Variants in ULK4 observed in about 807,000 individuals in gnomAD.
ULK4 encodes inactive serine/threonine-protein kinase ULK4.
A neutral mutation model predicts 160.6 loss-of-function variants in ULK4; 133 were observed. That is an observed-to-expected ratio of 0.83 (90% CI 0.72 to 0.96). The LOEUF is 0.96. ULK4 is among the 40% of genes least tolerant of loss of function. The probability of loss-of-function intolerance (pLI) is 0.00; values close to 1 mark genes in which losing one functional copy is unlikely to be tolerated. For synonymous variants in ULK4, 534 were observed against 539.8 expected, an observed-to-expected ratio of 0.99 and a Z score of 0.15; for missense variants, 1,580 against 1,499.5, an observed-to-expected ratio of 1.05 and a Z score of -0.89.
chr3:41,774,546 T>G (rs1468831592), intron 21 of ULK4, among the ~76,000 whole-genome samples: 3 of 146,766 alleles, frequency 2.0e-5, no homozygotes, highest in Middle Eastern at 3.2e-3. Context: ...CCAGTTAGAA[T>G]GGCGATCATT....
chr3:41,535,513 GAATTT>G lies in ULK4; in HGVS notation c.3226+30507_3226+30511del, dbSNP rs2125945661. Among the ~76,000 whole-genome samples, 2 of 152,234 alleles carry G rather than the reference GAATTT, an allele frequency of 1.3e-5. 1 individual carries two copies. Among genetic ancestry groups the G allele is most frequent in the South Asian group, 4.1e-4 (2 of 4,824 alleles). On this transcript the variant is annotated intron_variant, in intron 32 of 36. Coordinates refer to ENST00000301831, the MANE Select transcript of ULK4 (RefSeq NM_017886.4). Reference sequence around the variant, plus strand: ...AATAGTACTGTATGTTTGAAATAGGGAATTTAATACTGTATGAAATGCAATAAATA... The same window carrying G: ...AATAGTACTGTATGTTTGAAATAGGGAATACTGTATGAAATGCAATAAATA...
At chr3:41,869,397 A>G (rs1348429904) in intron 17 of ULK4, among the ~76,000 whole-genome samples, 1 of 152,150 alleles carries the variant, frequency 6.6e-6, no homozygotes, top group East Asian at 1.9e-4. Context: ...CAACATGATG[A>G]AACCCCATCT....
intron 34 of ULK4, among the ~76,000 whole-genome samples, chr3:41,435,984 A>G (rs2083027013): frequency 7.0e-6 from 1 of 142,800 alleles, no homozygotes. Flanking sequence ...AAATAAATAA[A>G]GCATACAGAC....
Position 41,549,089 on chromosome 3 carries a change from T to C in ULK4, c.3226+16936A>G, listed in dbSNP as rs371863463. On this transcript the variant is annotated intron_variant, in intron 32 of 36. Coordinates refer to ENST00000301831, the MANE Select transcript of ULK4 (RefSeq NM_017886.4). ...AATCTGAAAAATAGGAAGAAGTGCC[T>C]GTTACACAAGATGCATCGATATCAA... is the stretch of plus-strand genomic sequence containing the variant. Among the ~76,000 whole-genome samples, 22 of 152,268 alleles carry C rather than the reference T, an allele frequency of 1.4e-4. No individual in the cohort carries two copies. In the Middle Eastern group the frequency reaches 0.017, roughly 118 times the overall value.
chr3:41,604,447 A>C (rs978060109), intron 31 of ULK4, among the ~76,000 whole-genome samples: 10 of 152,176 alleles, frequency 6.6e-5, no homozygotes, highest in African/African-American at 2.4e-4. Context: ...GAATGTAGGA[A>C]GCTTATGTGA....
At chr3:41,956,574 A>T (rs1700492988) in intron 1 of ULK4, among the ~76,000 whole-genome samples, 1 of 152,094 alleles carries the variant, frequency 6.6e-6, no homozygotes, top group South Asian at 2.1e-4. Context: ...AAATTTTGAG[A>T]AGCAAAAGAG....
Position 41,439,095 on chromosome 3 carries a change from G to A in ULK4, c.3492+16402C>T, listed in dbSNP as rs567441434. On this transcript the variant is annotated intron_variant, in intron 34 of 36. Transcript: ENST00000301831. Reference sequence around the variant, plus strand: ...TGTGAAATGGGGGTTGGGGTTCCCCGTGAACAAAAGGAGACAGAAGAAGCT... The same window carrying A: ...TGTGAAATGGGGGTTGGGGTTCCCCATGAACAAAAGGAGACAGAAGAAGCT... Among the ~76,000 whole-genome samples the A allele has an allele frequency of 2.7e-4, 41 of 152,200 alleles. 1 individual carries two copies. In the South Asian group the frequency reaches 7.7e-3, roughly 29 times the overall value.
rs1318288158 is a variant in ULK4 at position 41,655,913 on chromosome 3, T to C, written c.3071+7694A>G. On this transcript the variant is annotated intron_variant, in intron 30 of 36. Coordinates refer to ENST00000301831, the MANE Select transcript of ULK4 (RefSeq NM_017886.4). Reference sequence around the variant, plus strand: ...AAATATAAAAGAATATGGCAAAGCCTAACTTTATTAAGGCATATAATAAAT... The same window carrying C: ...AAATATAAAAGAATATGGCAAAGCCCAACTTTATTAAGGCATATAATAAAT... Among the ~76,000 whole-genome samples, 8 of 152,358 alleles carry C rather than the reference T, an allele frequency of 5.3e-5. No individual in the cohort carries two copies. The South Asian group carries it at 8.3e-4, about 16-fold the overall frequency.
At chr3:41,479,727 A>G (rs1233428976) in intron 32 of ULK4, among the ~76,000 whole-genome samples, 1 of 152,162 alleles carries the variant, frequency 6.6e-6, no homozygotes, top group African/African-American at 2.4e-5. Flanking sequence ...CAGATTCCTA[A>G]AACTCCTAAA....
chr3:41,507,555 GA>G, intron 32 of ULK4, among the ~76,000 whole-genome samples: 1 of 113,560 alleles, frequency 8.8e-6, no homozygotes, highest in East Asian at 2.7e-4. Context: ...AACCATTGGG[GA>G]AAACACTTTT....
At chr3:41,326,400 GT>G (rs2080338804) in intron 35 of ULK4, among the ~76,000 whole-genome samples, 1 of 151,486 alleles carries the variant, frequency 6.6e-6, no homozygotes, top group Non-Finnish European at 1.5e-5. Context: ...CCCCACATAT[GT>G]TGAAAAAATG....
At chr3:41,306,551 C>T (rs1181429507) in intron 35 of ULK4, among the ~76,000 whole-genome samples, 5 of 149,112 alleles carry the variant, frequency 3.4e-5, no homozygotes, top group Non-Finnish European at 4.5e-5. Context: ...CCCGGCCAGC[C>T]ACCCCGTCCG....
At chr3:41,439,909 G>A (rs1378686209) in intron 34 of ULK4, among the ~76,000 whole-genome samples, 1 of 152,080 alleles carries the variant, frequency 6.6e-6, no homozygotes, top group African/African-American at 2.4e-5. Context: ...TCTAAGCAAT[G>A]TTTTGTGGTT....
chr3:41,811,119 TC>T (rs565882444), intron 19 of ULK4, among the ~76,000 whole-genome samples: 314 of 152,232 alleles, frequency 2.1e-3, no homozygotes, highest in African/African-American at 7.2e-3. Flanking sequence ...ACTCTTGGCC[TC>T]AAGTGATCCT....
At chr3:41,336,602 A>G (rs999028197) in intron 35 of ULK4, among the ~76,000 whole-genome samples, 2 of 152,196 alleles carry the variant, frequency 1.3e-5, no homozygotes, top group Non-Finnish European at 2.9e-5. Context: ...AGAAGAAACA[A>G]CATCTGAAGC....
intron 30 of ULK4, among the ~76,000 whole-genome samples, chr3:41,631,543 C>T (rs58191495): frequency 0.37 from 56,786 of 152,008 alleles, 14,540 homozygotes; most frequent in African/African-American, 0.73. Flanking sequence ...AAGACAATTT[C>T]GGTTAGGTTA....
At chr3:41,824,637 G>C (rs974644015) in intron 18 of ULK4, among the ~76,000 whole-genome samples, 2 of 152,190 alleles carry the variant, frequency 1.3e-5, no homozygotes, top group African/African-American at 2.4e-5. Context: ...TACCATTGCC[G>C]AGGCTTGAGT....
chr3:41,562,398 T>C (rs1014671420), intron 32 of ULK4, among the ~76,000 whole-genome samples: 32 of 152,300 alleles, frequency 2.1e-4, no homozygotes, highest in African/African-American at 7.5e-4. Context: ...AGAGCTGAGT[T>C]CAAGTCCTGG....
chr3:41,581,768 G>A (rs1686190674), intron 31 of ULK4, among the ~76,000 whole-genome samples: 1 of 152,160 alleles, frequency 6.6e-6, no homozygotes, highest in African/African-American at 2.4e-5. Context: ...GCTAATCAAG[G>A]CATACCAGGA....
Sources: allele counts gnomAD v4.1 joint callset (sites outside exome capture counted in the v4.1 genomes callset), GRCh38; gene constraint gnomAD v4.1.1; transcripts MANE v1.5; gene names NCBI Gene and HGNC (gene_info 2026-07-23, HGNC 2026-07-21).